AOAH: variants seen among roughly 807,000 people sequenced by gnomAD.
The protein encoded by AOAH is acyloxyacyl hydrolase.
A neutral mutation model predicts 92.2 loss-of-function variants in AOAH; 64 were observed. The observed-to-expected ratio is 0.69, with a 90% CI of 0.57 to 0.86. The LOEUF is 0.86. Among genes scored for constraint, AOAH ranks in the 40% least tolerant of loss-of-function variants. The probability of loss-of-function intolerance (pLI) is 0.00; values close to 1 mark genes in which losing one functional copy is unlikely to be tolerated. For synonymous variants in AOAH, 263 were observed against 254.5 expected, an observed-to-expected ratio of 1.03 and a Z score of -0.32; for missense variants, 656 against 694.6, an observed-to-expected ratio of 0.94 and a Z score of 0.62.
chr7:36,684,033 G>A (rs957911832), intron 2 of AOAH, among the ~76,000 whole-genome samples: 6 of 152,004 alleles, frequency 3.9e-5, no homozygotes, highest in Non-Finnish European at 5.9e-5. Flanking sequence ...CAGTAACAAT[G>A]AACATTCCTA....
chr7:36,514,899 G>A (rs975752720), intron 20 of AOAH, among the ~76,000 whole-genome samples: 2 of 151,980 alleles, frequency 1.3e-5, no homozygotes, highest in African/African-American at 4.8e-5. Flanking sequence ...GACTGTTTGT[G>A]AGATTTTAGT....
rs1422979182 is a variant in AOAH at position 36,683,062 on chromosome 7, G to GA, written c.223+3636dup. Among the ~76,000 whole-genome samples the GA allele has an allele frequency of 3.3e-5, 5 of 152,092 alleles. No individual in the cohort carries two copies. In the East Asian group the frequency reaches 9.6e-4, roughly 29 times the overall value. On this transcript the variant is annotated intron_variant, in intron 2 of 20. Coordinates refer to ENST00000617537, the MANE Select transcript of AOAH (RefSeq NM_001637.4). ...TCTAGTTAGATGACTAAGTTTTATA[G>GA]AAAAAAAATCTTCTGAACTTCAAAG... is the stretch of plus-strand genomic sequence containing the variant.
At chr7:36,723,667 T>C (rs539207261) in intron 1 of AOAH, among the ~76,000 whole-genome samples, 2 of 152,266 alleles carry the variant, frequency 1.3e-5, no homozygotes, top group East Asian at 1.9e-4. Flanking sequence ...AGGGCAGTGA[T>C]TCAAACTCAG....
intron 1 of AOAH, among the ~76,000 whole-genome samples, chr7:36,706,861 T>C (rs144816047): frequency 3.9e-5 from 6 of 152,216 alleles, no homozygotes; most frequent in African/African-American, 1.4e-4. Flanking sequence ...CTCCTAGCCT[T>C]CATAGAATTG....
intron 11 of AOAH, among the ~76,000 whole-genome samples, chr7:36,601,248 C>T (rs1013475008): frequency 1.3e-5 from 2 of 152,200 alleles, no homozygotes; most frequent in Non-Finnish European, 2.9e-5. Flanking sequence ...TAACTCTGTG[C>T]ATTTGATTTG....
At chr7:36,702,056 C>T (rs534933493) in intron 1 of AOAH, among the ~76,000 whole-genome samples, 2 of 152,120 alleles carry the variant, frequency 1.3e-5, no homozygotes, top group East Asian at 3.9e-4. Flanking sequence ...TCTAATATTG[C>T]TCCATCCTCA....
chr7:36,680,654 T>C (rs1421125920), intron 2 of AOAH, among the ~76,000 whole-genome samples: 2 of 152,162 alleles, frequency 1.3e-5, no homozygotes, highest in African/African-American at 4.8e-5. Context: ...TGTGTCTTGT[T>C]TTTCTCATCC....
At chr7:36,529,824 TG>T (rs1244749578) in intron 19 of AOAH, among the ~76,000 whole-genome samples, 3 of 152,244 alleles carry the variant, frequency 2.0e-5, no homozygotes, top group Non-Finnish European at 4.4e-5. Context: ...TGCCTGTTTT[TG>T]TGTGGCCACT....
At chr7:36,569,470 AATCTATCT>A (rs10581908) in intron 13 of AOAH, among the ~76,000 whole-genome samples, 15,937 of 147,954 alleles carry the variant, frequency 0.11, 1,018 homozygotes, top group East Asian at 0.2. Flanking sequence ...TACTTAAAAA[AATCTATCT>A]ATCTATCTAT....
intron 1 of AOAH, among the ~76,000 whole-genome samples, chr7:36,687,388 T>C (rs1047859653): frequency 4.6e-5 from 7 of 152,196 alleles, no homozygotes; most frequent in African/African-American, 1.7e-4. Flanking sequence ...ATGATAAGTG[T>C]CTAGGTGGAC....
intron 3 of AOAH, 127 bp downstream of exon 3, chr7:36,673,816 G>A (rs960756864): frequency 4.8e-6 from 3 of 629,592 alleles, no homozygotes; most frequent in Admixed American, 6.6e-5. Context: ...ACTAAGAGCT[G>A]GAATAACACC....
At chr7:36,577,574 T>C (rs1408196090) in intron 12 of AOAH, among the ~76,000 whole-genome samples, 1 of 152,176 alleles carries the variant, frequency 6.6e-6, no homozygotes, top group Non-Finnish European at 1.5e-5. Context: ...ACGGAAAAAT[T>C]TGACACCAGT....
chr7:36,582,599 G>A (rs1789012174), intron 12 of AOAH, among the ~76,000 whole-genome samples: 1 of 152,072 alleles, frequency 6.6e-6, no homozygotes, highest in Non-Finnish European at 1.5e-5. Flanking sequence ...ACTGCATTTC[G>A]GTAGAACAAA....
intron 4 of AOAH, among the ~76,000 whole-genome samples, chr7:36,646,719 T>G (rs1310650624): frequency 6.6e-6 from 1 of 152,198 alleles, no homozygotes; most frequent in Non-Finnish European, 1.5e-5. Flanking sequence ...ACCCATTCCT[T>G]GCCTCTTCTA....
intron 15 of AOAH, among the ~76,000 whole-genome samples, chr7:36,541,686 C>A (rs1469237426): frequency 6.6e-6 from 1 of 152,182 alleles, no homozygotes; most frequent in Non-Finnish European, 1.5e-5. Flanking sequence ...CACATGTACC[C>A]CCATATCTAA....
chr7:36,687,537 C>CT (rs5883572), intron 1 of AOAH, among the ~76,000 whole-genome samples: 33,656 of 145,136 alleles, frequency 0.23, 4,094 homozygotes, highest in African/African-American at 0.33. Context: ...AAAACCAAAC[C>CT]TTTTTTTTTT....
At chr7:36,549,411 TA>T (rs1344514141) in intron 14 of AOAH, 27 bp downstream of exon 14, 1 of 1,563,574 alleles carries the variant, frequency 6.4e-7, no homozygotes, top group Non-Finnish European at 8.8e-7. Context: ...GAAACCAAAT[TA>T]AAAACAACTT....
At position 36,621,693 on chromosome 7, in the gene AOAH, C is replaced by A; in HGVS notation, c.653+17G>T. On this transcript the variant is annotated intron_variant, in intron 8 of 20. Transcript: ENST00000617537. Reference sequence around the variant, plus strand: ...TGAAGATAATTTTAAAAATCAGCAACCAGCAGAAATAGTTACCTTCTACCT... The same window carrying A: ...TGAAGATAATTTTAAAAATCAGCAAACAGCAGAAATAGTTACCTTCTACCT... 2 of 1,613,354 alleles carry A rather than the reference C, an allele frequency of 1.2e-6. No homozygotes were observed. The highest frequency in any genetic ancestry group is 1.7e-6 in the Non-Finnish European group (2 of 1,179,322).
At chr7:36,687,634 C>T (rs547869076) in intron 1 of AOAH, among the ~76,000 whole-genome samples, 5 of 151,638 alleles carry the variant, frequency 3.3e-5, no homozygotes, top group Non-Finnish European at 7.4e-5. Context: ...TTTTAGATCT[C>T]ATTGCAGTAA....
Sources: allele counts gnomAD v4.1 joint callset (sites outside exome capture counted in the v4.1 genomes callset), GRCh38; gene constraint gnomAD v4.1.1; transcripts MANE v1.5; gene names NCBI Gene and HGNC (gene_info 2026-07-23, HGNC 2026-07-21).